The following ANKRD55 variants were observed in gnomAD, a reference collection of about 807,000 sequenced individuals.
ANKRD55 encodes the protein ankyrin repeat domain-containing protein 55.
ANKRD55 carries 41 observed loss-of-function variants against 60.6 expected under a neutral mutation model. The observed-to-expected ratio is 0.68, with a 90% CI of 0.53 to 0.88. The LOEUF is 0.88. Among genes scored for constraint, ANKRD55 ranks in the 40% least tolerant of loss-of-function variants. The pLI is 0.00. For synonymous variants in ANKRD55, 264 were observed against 290.3 expected, an observed-to-expected ratio of 0.91 and a Z score of 0.92; for missense variants, 732 against 767.6, an observed-to-expected ratio of 0.95 and a Z score of 0.55.
rs1456131738 is a variant in ANKRD55 at position 56,170,948 on chromosome 5, C to T, written c.313-145G>A. On this transcript the variant is annotated intron_variant, in intron 4 of 11. Transcript: ENST00000341048. Reference sequence around the variant, plus strand: ...TTGAAGTGGTTAAGAACCACAACTCCATCTTAGATGCCTCAACAGATGGCC... The same window carrying T: ...TTGAAGTGGTTAAGAACCACAACTCTATCTTAGATGCCTCAACAGATGGCC... The T allele has an allele frequency of 1.3e-5, 9 of 678,260 alleles. No individual in the cohort carries two copies. In the African/African-American group the frequency reaches 1.6e-4, roughly 12 times the overall value. 42.0% of individuals were successfully genotyped at this position (678,260 alleles called of 1,614,324 possible). A position where few individuals can be genotyped will look rare whatever the true frequency, so the allele number is the denominator to read the frequency against.
At chr5:56,165,893 C>T (rs1054807721) in intron 5 of ANKRD55, among the ~76,000 whole-genome samples, 4 of 151,986 alleles carry the variant, frequency 2.6e-5, no homozygotes, top group African/African-American at 4.8e-5. Context: ...TACGCCTTTA[C>T]GCTCCAGCCT....
chr5:56,188,719 G>A (rs1008321374), intron 2 of ANKRD55, among the ~76,000 whole-genome samples: 17 of 152,140 alleles, frequency 1.1e-4, no homozygotes, highest in African/African-American at 3.9e-4. Context: ...GGTTACTATA[G>A]CCTTGTAGTA....
intron 3 of ANKRD55, among the ~76,000 whole-genome samples, chr5:56,179,091 C>A (rs1022808605): frequency 2.1e-4 from 32 of 151,992 alleles, no homozygotes; most frequent in African/African-American, 7.7e-4. Context: ...GAGATATAAT[C>A]AAAGATGATA....
intron 6 of ANKRD55, among the ~76,000 whole-genome samples, chr5:56,155,120 T>C (rs1758159522): frequency 6.6e-6 from 1 of 150,886 alleles, no homozygotes; most frequent in Non-Finnish European, 1.5e-5. Context: ...TGGTGCAGGG[T>C]TTCTGTGGTC....
chr5:56,228,427 CTTT>C (rs112399991), intron 2 of ANKRD55, among the ~76,000 whole-genome samples: 2 of 137,648 alleles, frequency 1.5e-5, no homozygotes, highest in African/African-American at 2.7e-5. Context: ...CCCCAGCTGA[CTTT>C]TTTTTTTTTT....
At chr5:56,115,056 T>C (rs1756845526) in intron 9 of ANKRD55, among the ~76,000 whole-genome samples, 2 of 151,682 alleles carry the variant, frequency 1.3e-5, no homozygotes, top group Admixed American at 1.3e-4. Flanking sequence ...AAAACCCAGC[T>C]GGGCATGGTG....
At chr5:56,204,329 A>G (rs1320867852) in intron 2 of ANKRD55, among the ~76,000 whole-genome samples, 2 of 152,120 alleles carry the variant, frequency 1.3e-5, no homozygotes, top group Non-Finnish European at 2.9e-5. Context: ...CTTTAGTTTA[A>G]TTAGATCCCA....
chr5:56,227,087 C>G (rs1269011638), intron 2 of ANKRD55, among the ~76,000 whole-genome samples: 13 of 152,064 alleles, frequency 8.5e-5, no homozygotes, highest in Non-Finnish European at 5.9e-5. Context: ...TGGAACCAAC[C>G]CAAATGTCCA....
chr5:56,228,346 G>A (rs1409952947), intron 2 of ANKRD55, among the ~76,000 whole-genome samples: 1 of 152,020 alleles, frequency 6.6e-6, no homozygotes, highest in African/African-American at 2.4e-5. Flanking sequence ...AGAGACCAGA[G>A]TGATGAGGCC....
chr5:56,197,739 AGAG>A (rs762240894), intron 2 of ANKRD55, among the ~76,000 whole-genome samples: 2 of 152,194 alleles, frequency 1.3e-5, no homozygotes, highest in African/African-American at 4.8e-5. Flanking sequence ...CATAAATTTC[AGAG>A]GAGTTTTTCT....
intron 8 of ANKRD55, among the ~76,000 whole-genome samples, chr5:56,125,120 T>A (rs1355029542): frequency 6.6e-6 from 1 of 152,182 alleles, no homozygotes; most frequent in East Asian, 1.9e-4. Flanking sequence ...TAGGAGTGTT[T>A]TGAAGTAGAT....
chr5:56,102,912 A>G (rs552791899), intron 10 of ANKRD55, among the ~76,000 whole-genome samples: 1 of 152,232 alleles, frequency 6.6e-6, no homozygotes, highest in Non-Finnish European at 1.5e-5. Flanking sequence ...TCTCTTATAT[A>G]TTCATCAAAT....
intron 1 of ANKRD55, 49 bp from the exon 2 acceptor site, chr5:56,232,995 C>A: frequency 2.3e-6 from 3 of 1,297,892 alleles, no homozygotes; most frequent in Non-Finnish European, 3.3e-6. Flanking sequence ...ACATGACAGT[C>A]AGAGGCAGCA....
chr5:56,214,842 G>A (rs539001627), intron 2 of ANKRD55, among the ~76,000 whole-genome samples: 1 of 152,196 alleles, frequency 6.6e-6, no homozygotes, highest in Non-Finnish European at 1.5e-5. Flanking sequence ...TATATTCAGT[G>A]GTCCCTGCTG....
rs529548574 is a variant in ANKRD55, at chr5:56,227,229, A to C, written c.58+5627T>G. Among the ~76,000 whole-genome samples the C allele has an allele frequency of 5.4e-4, 82 of 151,944 alleles. 1 individual carries two copies. In the South Asian group the frequency reaches 0.017, roughly 31 times the overall value. On this transcript the variant is annotated intron_variant, in intron 2 of 11. Coordinates refer to ENST00000341048, the MANE Select transcript of ANKRD55 (RefSeq NM_024669.3). ...TGGAAGCCATCATTCTGAGCAAACT[A>C]TCGCAAGGACAGAAAACCAAACACC...
intron 2 of ANKRD55, among the ~76,000 whole-genome samples, chr5:56,229,148 G>A (rs1300498862): frequency 6.8e-5 from 10 of 148,034 alleles, no homozygotes; most frequent in African/African-American, 2.5e-4. Flanking sequence ...TCTTTCAGGC[G>A]CAGCAAAACT....
Position 56,116,799 on chromosome 5 carries a change from A to G in ANKRD55, c.798-17T>C. The G allele has an allele frequency of 6.3e-7, 1 of 1,583,572 alleles. No individual in the cohort carries two copies. The highest frequency in any genetic ancestry group is 8.6e-7 in the Non-Finnish European group (1 of 1,166,290). On this transcript the variant is annotated splice_polypyrimidine_tract_variant and intron_variant, in intron 8 of 11. Coordinates refer to ENST00000341048, the MANE Select transcript of ANKRD55 (RefSeq NM_024669.3). ...AGAGGTGTCCTGGAGGGGCCATGTG[A>G]AAAAAGCACAAGCGTCTGAGCATGT...
chr5:56,100,239 T>C lies in ANKRD55; in HGVS notation c.1789A>G (p.Ser597Gly). The C allele has an allele frequency of 1.9e-6, 3 of 1,614,248 alleles. No homozygotes were observed. Among genetic ancestry groups the C allele is most frequent in the Non-Finnish European group, 2.5e-6 (3 of 1,180,046 alleles). ...LPAIPSQRRH[S>G]TAAEESEHSA... is the part of the protein sequence containing the mutation. Reference sequence around the variant, plus strand: ...TGTTCACTCTCTTCTGCTGCTGTGCTGTGTCTTCGTTGACTTGGAATTGCA... The same window carrying C: ...TGTTCACTCTCTTCTGCTGCTGTGCCGTGTCTTCGTTGACTTGGAATTGCA... Residue 597 changes from serine (S) to glycine (G), a missense_variant, in exon 12 of 12, where the codon AGC becomes GGC. Ser to Gly is a moderately conservative substitution (Grantham distance 56, BLOSUM62 0). Coordinates refer to ENST00000341048, the MANE Select transcript of ANKRD55 (RefSeq NM_024669.3).
intron 2 of ANKRD55, among the ~76,000 whole-genome samples, chr5:56,204,947 G>A (rs1388976582): frequency 6.6e-6 from 1 of 152,230 alleles, no homozygotes; most frequent in Non-Finnish European, 1.5e-5. Flanking sequence ...TCTGGAAAAT[G>A]AGGAATTGGT....
Sources: gnomAD v4.1 joint callset for allele counts (sites outside exome capture counted in the v4.1 genomes callset) on GRCh38, gnomAD v4.1.1 for gene constraint, MANE v1.5 for transcripts, NCBI Gene and HGNC (gene_info 2026-07-23, HGNC 2026-07-21) for gene names.